Variants in ZNF692 observed in about 807,000 individuals in gnomAD.
ZNF692 encodes zinc finger protein 692.
Under a neutral mutation model 49.0 loss-of-function variants are expected in ZNF692, and 41 were observed. That is an observed-to-expected ratio of 0.84 (90% CI 0.65 to 1.08). The LOEUF is 1.08. Ranked by LOEUF, ZNF692 falls within the 50% of genes least tolerant of loss-of-function variation. The pLI, the probability that ZNF692 is intolerant of heterozygous loss-of-function variation, is 0.00. For missense variants in ZNF692, 662 were observed against 662.2 expected (o/e 1.00, Z 0.00); for synonymous variants, 288 against 251.5 (o/e 1.15, Z -1.37).
rs1229204819 is a variant in ZNF692 at position 248,855,375 on chromosome 1, C to G, written c.1038+5G>C. The G allele has an allele frequency of 5.0e-6, 8 of 1,614,034 alleles. No individual in the cohort carries two copies. In the South Asian group the frequency reaches 8.8e-5, roughly 18 times the overall value. ...GCCACACAGGCCCCAACCTGTGCCCCTCACATTCAAATACTGCCGGTTGGA... is the reference window on the plus strand; with the variant it reads ...GCCACACAGGCCCCAACCTGTGCCCGTCACATTCAAATACTGCCGGTTGGA... On this transcript the variant is annotated splice_donor_5th_base_variant and intron_variant, in intron 9 of 11. Coordinates refer to ENST00000306601, the MANE Select transcript of ZNF692 (RefSeq NM_017865.4).
rs980629678 is a variant in ZNF692, at chr1:248,850,056, A to G, written c.*154T>C. ...TCCTTTAGGAAGACTAAAGTAGTCC[A>G]GCTCCCCTACAGCCCAGTCTTGCCC... On this transcript the variant is annotated 3_prime_UTR_variant, in exon 12 of 12. Coordinates refer to ENST00000306601, the MANE Select transcript of ZNF692 (RefSeq NM_017865.4). 1.2e-5 allele frequency: 9 copies of G among 732,662 alleles called. No individual in the cohort carries two copies. The highest frequency in any genetic ancestry group is 8.9e-5 in the African/African-American group (5 of 56,488). 45.4% of individuals were successfully genotyped at this position (732,662 alleles called of 1,614,324 possible).
Position 248,850,701 on chromosome 1 carries a change from T to C in ZNF692, c.1234A>G (p.Thr412Ala). 6.2e-7 allele frequency: 1 copy of C among 1,614,062 alleles called. No homozygotes were observed. The highest frequency in any genetic ancestry group is 1.1e-5 in the South Asian group (1 of 91,080). The stretch of plus-strand genomic sequence containing the variant: ...ACTCACTGCAGGGGTTTTTCTCCAG[T>C]GTGGATACGTCTGTGGATGACAAGG... ...SNLVIHRRIH[T>A]GEKPLQCEIC... Residue 412 changes from threonine (T) to alanine (A), a missense_variant, in exon 11 of 12, where the codon ACT becomes GCT. Thr to Ala is a moderately conservative substitution (Grantham distance 58). Coordinates refer to ENST00000306601, the MANE Select transcript of ZNF692 (RefSeq NM_017865.4).
At position 248,856,542 on chromosome 1, in the gene ZNF692, C is replaced by T. The variant is rs1434551298; in HGVS notation, c.496G>A (p.Glu166Lys). Residue 166 changes from glutamate (E) to lysine (K), a missense_variant, in exon 5 of 12, where the codon GAG becomes AAG. By Grantham distance (56) the Glu-to-Lys change is moderately conservative (BLOSUM62 1). Transcript: ENST00000306601. ...ELADLESEHD[E>K]RTQEARLPRR... The stretch of plus-strand genomic sequence containing the variant: ...GGCAACCTGGCCTCTTGAGTCCTCT[C>T]ATCATGCTCAGATTCCAAATCTGTG... 5 of 1,614,208 alleles carry T rather than the reference C, an allele frequency of 3.1e-6. No individual in the cohort carries two copies. In the African/African-American group the frequency reaches 4.0e-5, roughly 13 times the overall value.
chr1:248,853,779 G>A (rs942261077), intron 10 of ZNF692, among the ~76,000 whole-genome samples, 158 bp downstream of exon 10: 2 of 152,238 alleles, frequency 1.3e-5, no homozygotes, highest in East Asian at 1.9e-4. Flanking sequence ...CAGGATGAGG[G>A]AGAGTCATCC....
At position 248,857,762 on chromosome 1, in the gene ZNF692, G is replaced by A. The variant is rs545051965; in HGVS notation, c.211+66C>T. The A allele has an allele frequency of 1.3e-5, 20 of 1,583,890 alleles. No individual in the cohort carries two copies. The East Asian group carries it at 2.5e-4, about 20-fold the overall frequency. On this transcript the variant is annotated intron_variant, in intron 3 of 11. Coordinates refer to ENST00000306601, the MANE Select transcript of ZNF692 (RefSeq NM_017865.4). ...ACTCAGGGCTCCCTTTGAAAGGAGG[G>A]TGTTTCTGGGTCACCCTGTGGTCCC...
chr1:248,858,144 A>C lies in ZNF692; in HGVS notation c.166T>G (p.Phe56Val). The C allele has an allele frequency of 6.4e-7, 1 of 1,567,950 alleles. No homozygotes were observed. The highest frequency in any genetic ancestry group is 8.6e-7 in the Non-Finnish European group (1 of 1,159,216). Residue 56 changes from phenylalanine to valine, a missense_variant, in exon 2 of 12, where the codon TTC becomes GTC. Physicochemically the swap from Phe to Val is conservative, Grantham distance 50. Coordinates refer to ENST00000306601, the MANE Select transcript of ZNF692 (RefSeq NM_017865.4). The surrounding 1 kb of genome is among the most constrained non-coding windows in gnomAD (Gnocchi z 4.3). ...CCGGCCCCTAACCGGTCCAACAGGAACTTGGCGAGCTGCGAGTGCAGGGAG... is the reference window on the plus strand; with the variant it reads ...CCGGCCCCTAACCGGTCCAACAGGACCTTGGCGAGCTGCGAGTGCAGGGAG... ...GFSLHSQLAK[F>V]LLDRYTSSGC...
intron 2 of ZNF692, 30 bp from the exon 3 acceptor site, chr1:248,857,889 C>A: frequency 6.2e-7 from 1 of 1,611,774 alleles, no homozygotes; most frequent in Non-Finnish European, 8.5e-7. Flanking sequence ...CAGGTCAGGA[C>A]TCAGGTGGCC....
rs780419381 is a variant in ZNF692 at position 248,858,653 on chromosome 1, A to T, written c.-13+265T>A. On this transcript the variant is annotated intron_variant, in intron 1 of 11. Coordinates refer to ENST00000306601, the MANE Select transcript of ZNF692 (RefSeq NM_017865.4). The surrounding 1 kb of genome is among the most constrained non-coding windows in gnomAD (Gnocchi z 4.3). ...ATTTCAACTGGGCTGGGGGCGGTCC[A>T]CACATTTCATCTTGAATAGGGCAGC... The T allele has an allele frequency of 1.0e-4, 121 of 1,166,650 alleles. No individual in the cohort carries two copies. The highest frequency in any genetic ancestry group is 1.2e-4 in the Non-Finnish European group (98 of 799,244). 72.3% of individuals were successfully genotyped at this position (1,166,650 alleles called of 1,614,324 possible).
rs1660128846 is a variant in ZNF692, at chr1:248,855,566, C to T, written c.951G>A (p.Lys317=). Residue 317 remains lysine, a synonymous_variant, in exon 8 of 12, where the codon AAG becomes AAA. Transcript: ENST00000306601. The part of the protein sequence containing the change: ...WDEDTAQIGP[K]RIRKAAKREL... ...ATCTCCCTAAGTCCTACCTAATTCT[C>T]TTGGGGCCAATTTGTGCAGTGTCCT... The T allele has an allele frequency of 1.2e-6, 2 of 1,614,200 alleles. No homozygotes were observed. Among genetic ancestry groups the T allele is most frequent in the Non-Finnish European group, 1.7e-6 (2 of 1,180,028 alleles).
In ZNF692 at chr1:248,856,552, A is replaced by G. The variant is rs1660260322; in HGVS notation, c.486T>C (p.Ser162=). Residue 162 remains serine (S), a synonymous_variant, in exon 5 of 12, where the codon TCT becomes TCC. Transcript: ENST00000306601. The part of the protein sequence containing the change: ...TSGQELADLE[S]EHDERTQEAR... The stretch of plus-strand genomic sequence containing the variant: ...CCTCTTGAGTCCTCTCATCATGCTC[A>G]GATTCCAAATCTGTGGGACAGGCAA... 6.2e-7 allele frequency: 1 copy of G among 1,614,182 alleles called. No homozygotes were observed. The highest frequency in any genetic ancestry group is 8.5e-7 in the Non-Finnish European group (1 of 1,180,042).
chr1:248,856,656 C>G, intron 4 of ZNF692, 94 bp from the exon 5 acceptor site: 1 of 1,304,534 alleles, frequency 7.7e-7, no homozygotes, highest in Non-Finnish European at 1.1e-6. Flanking sequence ...GGAGACTCCT[C>G]TTTTTTTTTT....
At chr1:248,857,726 T>C in intron 3 of ZNF692, 102 bp downstream of exon 3, 1 of 1,533,034 alleles carries the variant, frequency 6.5e-7, no homozygotes, top group Non-Finnish European at 8.8e-7. Flanking sequence ...CACCCCACCC[T>C]TCCCAAACTT....
chr1:248,858,310 G>A lies in ZNF692; in HGVS notation c.-1C>T. 1 of 1,558,320 alleles carries A rather than the reference G, an allele frequency of 6.4e-7. No individual in the cohort carries two copies. Among genetic ancestry groups the A allele is most frequent in the Non-Finnish European group, 8.7e-7 (1 of 1,146,966 alleles). On this transcript the variant is annotated 5_prime_UTR_variant, in exon 2 of 12. Transcript: ENST00000306601. The surrounding 1 kb of genome is among the most constrained non-coding windows in gnomAD (Gnocchi z 4.3). Reference sequence around the variant, plus strand: ...CGTCCACCGCCGGGGAGGAAGCCATGTGCACCAGAGGCTGGAGGGTGGAAG... The same window carrying A: ...CGTCCACCGCCGGGGAGGAAGCCATATGCACCAGAGGCTGGAGGGTGGAAG...
intron 10 of ZNF692, among the ~76,000 whole-genome samples, chr1:248,851,894 A>C (rs959620242): frequency 6.6e-6 from 1 of 152,196 alleles, no homozygotes; most frequent in South Asian, 2.1e-4. Context: ...AGGCCAGTCC[A>C]CTGGCCCCAC....
At position 248,857,503 on chromosome 1, in the gene ZNF692, G is replaced by C. The variant is rs779965739; in HGVS notation, c.212-6C>G. ...TGGAGGCAAAGGCTCAGGACCTGGAGGGGTGGGGGAAGCAGTCAGGCTGAA... is the reference window on the plus strand; with the variant it reads ...TGGAGGCAAAGGCTCAGGACCTGGACGGGTGGGGGAAGCAGTCAGGCTGAA... On this transcript the variant is annotated splice_region_variant and splice_polypyrimidine_tract_variant and intron_variant, in intron 3 of 11. Coordinates refer to ENST00000306601, the MANE Select transcript of ZNF692 (RefSeq NM_017865.4). 1 of 1,609,290 alleles carries C rather than the reference G, an allele frequency of 6.2e-7. No individual in the cohort carries two copies. Among genetic ancestry groups the C allele is most frequent in the African/African-American group, 1.3e-5 (1 of 74,758 alleles).
rs771022929 is a variant in ZNF692 at position 248,858,253 on chromosome 1, C to T, written c.57G>A (p.Gln19=). The change falls in exon 2 of 12, where the codon CAG becomes CAA. Residue 19 remains glutamine, a synonymous_variant. Transcript: ENST00000306601. The surrounding 1 kb of genome is among the most constrained non-coding windows in gnomAD (Gnocchi z 4.3). ...VSCRRREKRR[Q]LDARRSKCRI... ...GGCACTTGCTGCGGCGCGCGTCCAG[C>T]TGCCGCCGCTTCTCCCGCCGCCTGC... 1.3e-6 allele frequency: 2 copies of T among 1,581,916 alleles called. No homozygotes were observed. Among genetic ancestry groups the T allele is most frequent in the Admixed American group, 3.5e-5 (2 of 56,598 alleles).
In ZNF692 at chr1:248,856,346, C is replaced by T; in HGVS notation, c.601G>A (p.Asp201Asn). Residue 201 changes from aspartate (D) to asparagine (N), a missense_variant, in exon 6 of 12, where the codon GAT becomes AAT. Physicochemically the swap from Asp to Asn is conservative, Grantham distance 23 (BLOSUM62 1). Transcript: ENST00000306601. ...GCATCACTGAGCATCTCCTCTTCAT[C>T]CTCATCATTGTCCTCTTCTTCCTCA... is the stretch of plus-strand genomic sequence containing the variant. ...EGEEEEDNDE[D>N]EEEMLSDASL... is the part of the protein sequence containing the mutation. The T allele has an allele frequency of 6.2e-7, 1 of 1,611,652 alleles. No homozygotes were observed. The highest frequency in any genetic ancestry group is 8.5e-7 in the Non-Finnish European group (1 of 1,178,600).
rs1281623897 is a variant in ZNF692, at chr1:248,858,286, G to T, written c.24C>A (p.Asp8Glu). 3 of 1,573,534 alleles carry T rather than the reference G, an allele frequency of 1.9e-6. No homozygotes were observed. Among genetic ancestry groups the T allele is most frequent in the Non-Finnish European group, 2.6e-6 (3 of 1,156,472 alleles). Residue 8 changes from aspartate to glutamate, a missense_variant, in exon 2 of 12, where the codon GAC (aspartate) becomes GAA (glutamate). Physicochemically the swap from Asp to Glu is conservative, Grantham distance 45 (BLOSUM62 2). Transcript: ENST00000306601. This position sits in a 1 kb window ranked among gnomAD's most constrained non-coding sequence, Gnocchi z 4.3. The stretch of plus-strand genomic sequence containing the variant: ...GCTTCTCCCGCCGCCTGCAGGACAC[G>T]TCCACCGCCGGGGAGGAAGCCATGT... MASSPAV[D>E]VSCRRREKRR... is the part of the protein sequence containing the mutation.
rs1660106668 is a variant in ZNF692, at chr1:248,855,380, A to T, written c.1038T>A (p.Asn346Lys). The T allele has an allele frequency of 6.2e-7, 1 of 1,613,826 alleles. No homozygotes were observed. Among genetic ancestry groups the T allele is most frequent in the African/African-American group, 1.3e-5 (1 of 74,824 alleles). Residue 346 changes from asparagine (N) to lysine (K), a missense_variant and splice_region_variant, in exon 9 of 12, where the codon AAT becomes AAA. By Grantham distance (94) the Asn-to-Lys change is moderately conservative (BLOSUM62 0). Transcript: ENST00000306601. Reference sequence around the variant, plus strand: ...ACAGGCCCCAACCTGTGCCCCTCACATTCAAATACTGCCGGTTGGAGAAGA... The same window carrying T: ...ACAGGCCCCAACCTGTGCCCCTCACTTTCAAATACTGCCGGTTGGAGAAGA... Reference protein sequence around the residue: ...GRIFSNRQYLNHHKKYQHIHQ... With the variant: ...GRIFSNRQYLKHHKKYQHIHQ...
Sources: gnomAD v4.1 joint callset for allele counts (sites outside exome capture counted in the v4.1 genomes callset) on GRCh38, gnomAD v4.1.1 for gene constraint, Gnocchi (gnomAD v3.1) non-coding constraint, MANE v1.5 for transcripts, NCBI Gene and HGNC (gene_info 2026-07-23, HGNC 2026-07-21) for gene names.